The following AGAP1 variants were observed in gnomAD, a reference collection of about 807,000 sequenced individuals.
The protein encoded by AGAP1 is arf-GAP with GTPase, ANK repeat and PH domain-containing protein 1.
A neutral mutation model predicts 105.3 loss-of-function variants in AGAP1; 29 were observed. The observed-to-expected ratio is 0.28, with a 90% CI of 0.21 to 0.38. The LOEUF (loss-of-function observed/expected upper bound fraction) is 0.38, where lower values mean the gene tolerates loss of function less well. Among genes scored for constraint, AGAP1 ranks in the 10% least tolerant of loss-of-function variants. The pLI is 1.00. For missense variants in AGAP1, 998 were observed against 1,165.1 expected (o/e 0.86, Z 2.09); for synonymous variants, 509 against 485.9 (o/e 1.05, Z -0.63).
chr2:235,941,276 CAGT>C (rs777701075), intron 12 of AGAP1, among the ~76,000 whole-genome samples: 2 of 152,146 alleles, frequency 1.3e-5, no homozygotes, highest in Non-Finnish European at 2.9e-5. Context: ...TAAGTAAAGT[CAGT>C]GGTGTAAATT....
intron 6 of AGAP1, among the ~76,000 whole-genome samples, chr2:235,772,367 TC>T (rs1955530356): frequency 6.6e-6 from 1 of 152,240 alleles, no homozygotes; most frequent in Admixed American, 6.5e-5. Context: ...ACTGAGAAAC[TC>T]TGATTTCTCT....
chr2:236,079,370 T>TAAAA (rs3030747), intron 16 of AGAP1, among the ~76,000 whole-genome samples: 1 of 127,538 alleles, frequency 7.8e-6, no homozygotes, highest in Admixed American at 8.0e-5. Flanking sequence ...AAAGAAAATT[T>TAAAA]AAAAAAAAAA....
chr2:235,576,818 G>A (rs1274163412), intron 1 of AGAP1, among the ~76,000 whole-genome samples: 1 of 152,226 alleles, frequency 6.6e-6, no homozygotes, highest in African/African-American at 2.4e-5. Context: ...TCCCGTGACT[G>A]TTCTTCCAGG....
intron 9 of AGAP1, among the ~76,000 whole-genome samples, chr2:235,833,063 G>A (rs907524456): frequency 6.6e-6 from 1 of 152,124 alleles, no homozygotes; most frequent in African/African-American, 2.4e-5. Context: ...GAGGGGGCCG[G>A]TGAGCCAGGG....
At chr2:236,093,985 C>T (rs2059127218) in intron 16 of AGAP1, among the ~76,000 whole-genome samples, 1 of 152,096 alleles carries the variant, frequency 6.6e-6, no homozygotes, top group Non-Finnish European at 1.5e-5. Context: ...TTTTTGCAAG[C>T]ATAAACCCCA....
intron 16 of AGAP1, among the ~76,000 whole-genome samples, chr2:236,059,429 A>AGCTTCC (rs1559235563): frequency 6.6e-6 from 1 of 152,202 alleles, no homozygotes; most frequent in African/African-American, 2.4e-5. Flanking sequence ...TCAGAATCTC[A>AGCTTCC]GCTGCCTGTT....
At chr2:235,995,310 T>C (rs577777163) in intron 13 of AGAP1, among the ~76,000 whole-genome samples, 2 of 150,550 alleles carry the variant, frequency 1.3e-5, no homozygotes, top group South Asian at 4.2e-4. Context: ...AGATCAGGAG[T>C]TTGAGACCAG....
At position 235,571,975 on chromosome 2, in the gene AGAP1, T is replaced by TACAC. The variant is rs371181654; in HGVS notation, c.163+77151_163+77154dup. 0.016 allele frequency among the ~76,000 whole-genome samples: 1,250 copies of TACAC among 78,992 alleles called. 92 individuals carry two copies. In the East Asian group the frequency reaches 0.23, roughly 14 times the overall value. The allele number at this position is 78,992 out of a possible 152,430, so 51.8% of individuals were successfully genotyped here. Reference sequence around the variant, plus strand: ...GTGTGTGTGTATACATATATATGTATACACACACACACACACACACACACA... The same window carrying TACAC: ...GTGTGTGTGTATACATATATATGTATACACACACACACACACACACACACACACA... On this transcript the variant is annotated intron_variant, in intron 1 of 17. Transcript: ENST00000304032.
chr2:235,924,199 A>C (rs561905121), intron 11 of AGAP1, among the ~76,000 whole-genome samples: 1 of 152,248 alleles, frequency 6.6e-6, no homozygotes, highest in South Asian at 2.1e-4. Flanking sequence ...AGGTAGACTT[A>C]AGGCAGTATC....
Position 235,714,954 on chromosome 2 carries a change from C to A in AGAP1, c.223-2603C>A, listed in dbSNP as rs535395057. On this transcript the variant is annotated intron_variant, in intron 2 of 17. Coordinates refer to ENST00000304032, the MANE Select transcript of AGAP1 (RefSeq NM_001037131.3). This position sits in a 1 kb window ranked among gnomAD's most constrained non-coding sequence, Gnocchi z 4.1. ...CTGGGACTACAGGCGTGTGCCACCA[C>A]GCCTTGTTATTTTTTTGTAGTTTTA... 1.3e-5 allele frequency among the ~76,000 whole-genome samples: 2 copies of A among 152,038 alleles called. No individual in the cohort carries two copies. The highest frequency in any genetic ancestry group is 4.8e-5 in the African/African-American group (2 of 41,394).
rs562334724 is a variant in AGAP1 at position 236,121,012 on chromosome 2, TAC to T, written c.2370+566_2370+567del. Among the ~76,000 whole-genome samples, 116 of 152,326 alleles carry T rather than the reference TAC, an allele frequency of 7.6e-4. No homozygotes were observed. The highest frequency in any genetic ancestry group is 2.6e-3 in the African/African-American group (108 of 41,584). On this transcript the variant is annotated intron_variant, in intron 17 of 17. Coordinates refer to ENST00000304032, the MANE Select transcript of AGAP1 (RefSeq NM_001037131.3). This position sits in a 1 kb window ranked among gnomAD's most constrained non-coding sequence, Gnocchi z 4.9. ...GGCCCTGCCTGTGCCACCCAGGAGC[TAC>T]GTCTGAGAAGCCACGCCCACTTAGG...
rs2056170830 is a variant in AGAP1, at chr2:236,002,618, G to C, written c.1646-33943G>C. ...TTCATTGGCGGTCTTTGGCCTTTGA[G>C]AGTGGAACTCTGCATCTTCTTGTCC... is the stretch of plus-strand genomic sequence containing the variant. On this transcript the variant is annotated intron_variant, in intron 13 of 17. Coordinates refer to ENST00000304032, the MANE Select transcript of AGAP1 (RefSeq NM_001037131.3). The surrounding 1 kb of genome is among the most constrained non-coding windows in gnomAD (Gnocchi z 4.3). Among the ~76,000 whole-genome samples the C allele has an allele frequency of 6.6e-6, 1 of 152,118 alleles. No homozygotes were observed. Among genetic ancestry groups the C allele is most frequent in the South Asian group, 2.1e-4 (1 of 4,820 alleles).
At chr2:235,528,539 G>A (rs964470834) in intron 1 of AGAP1, among the ~76,000 whole-genome samples, 12 of 152,142 alleles carry the variant, frequency 7.9e-5, no homozygotes, top group African/African-American at 2.7e-4. Context: ...CGAGATGCTC[G>A]AGAGATTGTC....
In AGAP1 at chr2:235,953,926, G is replaced by T. The variant is rs761818079; in HGVS notation, c.1484-14536G>T. On this transcript the variant is annotated intron_variant, in intron 12 of 17. Transcript: ENST00000304032. The surrounding 1 kb of genome is among the most constrained non-coding windows in gnomAD (Gnocchi z 5.2). ...TGAGGGTGAGACATTGTCTGAAAAA[G>T]AAAATGTACTTTTAAAAATCAGGCC... is the stretch of plus-strand genomic sequence containing the variant. Among the ~76,000 whole-genome samples the T allele has an allele frequency of 8.6e-5, 13 of 152,018 alleles. No individual in the cohort carries two copies. The highest frequency in any genetic ancestry group is 1.9e-4 in the Non-Finnish European group (13 of 68,000).
intron 12 of AGAP1, among the ~76,000 whole-genome samples, chr2:235,932,364 G>A (rs990903670): frequency 6.6e-6 from 1 of 152,242 alleles, no homozygotes; most frequent in Non-Finnish European, 1.5e-5. Flanking sequence ...CGTGACTGAA[G>A]AACCACTGTT....
At chr2:235,933,650 A>G (rs533783825) in intron 12 of AGAP1, among the ~76,000 whole-genome samples, 11 of 150,430 alleles carry the variant, frequency 7.3e-5, no homozygotes, top group African/African-American at 2.7e-4. Flanking sequence ...CTCCTGCCTC[A>G]GGCTCCCGAG....
intron 1 of AGAP1, among the ~76,000 whole-genome samples, chr2:235,527,147 C>T (rs1440523391): frequency 6.6e-6 from 1 of 152,120 alleles, no homozygotes; most frequent in Non-Finnish European, 1.5e-5. Flanking sequence ...GGAAAATCCC[C>T]TGGAGATGAG....
chr2:235,583,405 A>G (rs548021138), intron 1 of AGAP1, among the ~76,000 whole-genome samples: 38 of 152,096 alleles, frequency 2.5e-4, no homozygotes, highest in Non-Finnish European at 4.0e-4. Context: ...AACCCCAGCC[A>G]TGGTGATCTT....
chr2:235,565,053 A>C (rs1644447358), intron 1 of AGAP1, among the ~76,000 whole-genome samples: 1 of 138,430 alleles, frequency 7.2e-6, no homozygotes, highest in African/African-American at 2.8e-5. Flanking sequence ...ACCACCACCC[A>C]GGGCCAGGTG....
Sources: gnomAD v4.1 joint callset for allele counts (sites outside exome capture counted in the v4.1 genomes callset) on GRCh38, gnomAD v4.1.1 for gene constraint, Gnocchi (gnomAD v3.1) non-coding constraint, MANE v1.5 for transcripts, NCBI Gene and HGNC (gene_info 2026-07-23, HGNC 2026-07-21) for gene names.